NOVA1: variants seen among roughly 807,000 people sequenced by gnomAD.
NOVA1 encodes RNA-binding protein Nova-1.
A neutral mutation model predicts 38.0 loss-of-function variants in NOVA1; 7 were observed. The observed-to-expected ratio is 0.18, with a 90% CI of 0.10 to 0.35. The LOEUF is 0.35. Among genes scored for constraint, NOVA1 ranks in the 10% least tolerant of loss-of-function variants. The pLI is 1.00. For synonymous variants in NOVA1, 270 were observed against 232.5 expected (o/e 1.16, Z -1.47); for missense variants, 460 against 616.0 (o/e 0.75, Z 2.68).
intron 2 of NOVA1, among the ~76,000 whole-genome samples, chr14:26,586,897 C>T (rs916776709): frequency 2.7e-5 from 4 of 149,170 alleles, no homozygotes; most frequent in African/African-American, 9.8e-5. Context: ...AACCACTGGG[C>T]CATCATCTCA....
At position 26,597,463 on chromosome 14, in the gene NOVA1, G is replaced by A. The variant is rs370170799; in HGVS notation, c.-27C>T. The A allele has an allele frequency of 3.9e-6, 5 of 1,283,862 alleles. No individual in the cohort carries two copies. The South Asian group carries it at 1.1e-4, about 29-fold the overall frequency. 79.5% of individuals were successfully genotyped at this position (1,283,862 alleles called of 1,614,324 possible). A position where few individuals can be genotyped will look rare whatever the true frequency, so the allele number is the denominator to read the frequency against. The stretch of plus-strand genomic sequence containing the variant: ...TTTGCAGTTCCTGCCGCTGCTACCG[G>A]GAGAAGGTTCTCCCTTTTGTTTTGG... On this transcript the variant is annotated 5_prime_UTR_variant, in exon 1 of 5. Transcript: ENST00000539517.
chr14:26,580,354 T>G (rs1893134264), intron 2 of NOVA1, among the ~76,000 whole-genome samples: 1 of 152,192 alleles, frequency 6.6e-6, no homozygotes, highest in Non-Finnish European at 1.5e-5. Context: ...GCTAATTAAG[T>G]TAATTTTAAT....
chr14:26,476,844 C>T (rs1160181505), intron 3 of NOVA1, among the ~76,000 whole-genome samples: 1 of 148,938 alleles, frequency 6.7e-6, no homozygotes, highest in Non-Finnish European at 1.5e-5. Context: ...AGCCTCCCAG[C>T]AGCTGTGACT....
At chr14:26,555,021 A>C (rs1310382187) in intron 2 of NOVA1, among the ~76,000 whole-genome samples, 1 of 152,170 alleles carries the variant, frequency 6.6e-6, no homozygotes, top group East Asian at 1.9e-4. Context: ...TCTCCTAAAT[A>C]AGACACCAAA....
At chr14:26,449,263 C>T (rs1485343991) in intron 4 of NOVA1, among the ~76,000 whole-genome samples, 1 of 152,038 alleles carries the variant, frequency 6.6e-6, no homozygotes, top group Non-Finnish European at 1.5e-5. Context: ...AAGAGGGGAT[C>T]ATAACTATAC....
intron 2 of NOVA1, among the ~76,000 whole-genome samples, chr14:26,556,355 G>A (rs1206693859): frequency 6.6e-6 from 1 of 152,046 alleles, no homozygotes; most frequent in East Asian, 1.9e-4. Flanking sequence ...CATCAACATA[G>A]TCAACTGATT....
intron 2 of NOVA1, among the ~76,000 whole-genome samples, chr14:26,484,140 A>G (rs1452465561): frequency 1.3e-5 from 2 of 152,056 alleles, no homozygotes; most frequent in African/African-American, 2.4e-5. Flanking sequence ...TGAAGGGTAT[A>G]AAGAAATTAA....
At chr14:26,504,323 C>T (rs1289867918) in intron 2 of NOVA1, among the ~76,000 whole-genome samples, 2 of 152,112 alleles carry the variant, frequency 1.3e-5, no homozygotes, top group African/African-American at 4.8e-5. Flanking sequence ...AATGGGACCA[C>T]TTTGTATTTT....
chr14:26,578,848 C>A (rs1448527908), intron 2 of NOVA1, among the ~76,000 whole-genome samples: 1 of 152,036 alleles, frequency 6.6e-6, no homozygotes, highest in Non-Finnish European at 1.5e-5. Context: ...CAGACTAACA[C>A]AGATTCATCG....
intron 2 of NOVA1, among the ~76,000 whole-genome samples, chr14:26,542,623 C>T (rs1240555262): frequency 6.8e-6 from 1 of 147,032 alleles, no homozygotes; most frequent in Non-Finnish European, 1.5e-5. Context: ...TCTTTTACAA[C>T]CAACCCTTTT....
chr14:26,479,910 C>A, intron 3 of NOVA1, 67 bp downstream of exon 3: 1 of 1,519,154 alleles, frequency 6.6e-7, no homozygotes, highest in South Asian at 1.3e-5. Flanking sequence ...CACTTTAAGG[C>A]TTCTTTTGTA....
rs1283991123 is a variant in NOVA1 at position 26,444,841 on chromosome 14, AAAC to A, written c.*3115_*3117del. ...CCCAGTGATAAAGAAAAAAACAAAA[AAAC>A]AAACAAACAAACAAACAAAAAAAAA... On this transcript the variant is annotated 3_prime_UTR_variant, in exon 5 of 5. Transcript: ENST00000539517. The A allele has an allele frequency of 6.9e-6, 1 of 144,032 alleles. No individual in the cohort carries two copies. Among genetic ancestry groups the A allele is most frequent in the Non-Finnish European group, 1.5e-5 (1 of 67,102 alleles). 8.9% of individuals were successfully genotyped at this position (144,032 alleles called of 1,614,324 possible). A position where few individuals can be genotyped will look rare whatever the true frequency, so the allele number is the denominator to read the frequency against.
chr14:26,511,644 C>G (rs1441768048), intron 2 of NOVA1, among the ~76,000 whole-genome samples: 2 of 151,664 alleles, frequency 1.3e-5, no homozygotes, highest in African/African-American at 2.4e-5. Context: ...CCCAGCTACT[C>G]GGGAGGCTGA....
At chr14:26,559,447 TATGAGATCCTCTTA>T (rs1891688268) in intron 2 of NOVA1, among the ~76,000 whole-genome samples, 1 of 152,192 alleles carries the variant, frequency 6.6e-6, no homozygotes, top group Non-Finnish European at 1.5e-5. Flanking sequence ...GGTTTTTTTA[TATGAGATCCTCTTA>T]TTATTAATTG....
At chr14:26,486,935 GTATCC>G (rs1885963656) in intron 2 of NOVA1, among the ~76,000 whole-genome samples, 1 of 151,834 alleles carries the variant, frequency 6.6e-6, no homozygotes. Context: ...AAAACACAAA[GTATCC>G]TTTCAACAGA....
In NOVA1 at chr14:26,597,727, A is replaced by T. The variant is rs1594606729; in HGVS notation, c.-291T>A. On this transcript the variant is annotated 5_prime_UTR_variant, in exon 1 of 5. Coordinates refer to ENST00000539517, the MANE Select transcript of NOVA1 (RefSeq NM_002515.3). ...GGGTGAAAGAAGAAGAAGAAAGGAGACAGGGGGAGAGAGTGGAGAAGGGAG... is the reference window on the plus strand; with the variant it reads ...GGGTGAAAGAAGAAGAAGAAAGGAGTCAGGGGGAGAGAGTGGAGAAGGGAG... The T allele has an allele frequency of 9.6e-7, 1 of 1,036,946 alleles. No individual in the cohort carries two copies. The highest frequency in any genetic ancestry group is 4.7e-5 in the South Asian group (1 of 21,266). The allele number at this position is 1,036,946 out of a possible 1,614,324, so 64.2% of individuals were successfully genotyped here. A position where few individuals can be genotyped will look rare whatever the true frequency, so the allele number is the denominator to read the frequency against.
At chr14:26,575,871 G>GA (rs888419502) in intron 2 of NOVA1, among the ~76,000 whole-genome samples, 7 of 151,636 alleles carry the variant, frequency 4.6e-5, no homozygotes, top group Non-Finnish European at 8.8e-5. Flanking sequence ...AGTACAGAAT[G>GA]AAAAAAACAT....
At chr14:26,521,659 T>C (rs1285766267) in intron 2 of NOVA1, among the ~76,000 whole-genome samples, 1 of 152,070 alleles carries the variant, frequency 6.6e-6, no homozygotes, top group Admixed American at 6.6e-5. Context: ...AGATAAGTAA[T>C]CAAAGATATA....
At chr14:26,490,842 G>GTTTTTTTT (rs71121880) in intron 2 of NOVA1, among the ~76,000 whole-genome samples, 3 of 70,808 alleles carry the variant, frequency 4.2e-5, no homozygotes, top group Non-Finnish European at 5.3e-5. Context: ...CATCTGGCTA[G>GTTTTTTTT]TTTTTTTTTT....
Sources: allele counts gnomAD v4.1 joint callset (sites outside exome capture counted in the v4.1 genomes callset), GRCh38; gene constraint gnomAD v4.1.1; transcripts MANE v1.5; gene names NCBI Gene and HGNC (gene_info 2026-07-23, HGNC 2026-07-21).